COMMD1: variants seen among roughly 807,000 people sequenced by gnomAD.
COMMD1 encodes the protein COMM domain-containing protein 1.
In COMMD1, 10 loss-of-function variants were observed where a neutral mutation model predicts 17.2. That is an observed-to-expected ratio of 0.58 (90% CI 0.36 to 0.99). COMMD1 has a LOEUF of 0.99. Ranked by LOEUF, COMMD1 falls within the 50% of genes least tolerant of loss-of-function variation. The pLI is 0.01. For missense variants in COMMD1, 270 were observed against 231.8 expected (o/e 1.17, Z -1.07); for synonymous variants, 97 against 91.6 (o/e 1.06, Z -0.34).
chr2:61,931,800 T>C (rs1009540485), intron 1 of COMMD1, among the ~76,000 whole-genome samples: 3 of 152,212 alleles, frequency 2.0e-5, no homozygotes, highest in African/African-American at 7.2e-5. Flanking sequence ...AGTAAGGATA[T>C]TGGAGACTTG....
chr2:62,085,280 C>T (rs1240307925), intron 2 of COMMD1, among the ~76,000 whole-genome samples: 2 of 150,312 alleles, frequency 1.3e-5, no homozygotes, highest in Admixed American at 6.7e-5. Context: ...TGCAGTGGCG[C>T]GATCTCTGCT....
At chr2:62,001,612 C>T (rs753386695) in intron 2 of COMMD1, among the ~76,000 whole-genome samples, 1 of 151,962 alleles carries the variant, frequency 6.6e-6, no homozygotes, top group Non-Finnish European at 1.5e-5. Flanking sequence ...TTTTAATGAT[C>T]TGGCTTATGT....
chr2:62,022,211 T>A (rs1434285887), intron 2 of COMMD1, among the ~76,000 whole-genome samples: 1 of 152,148 alleles, frequency 6.6e-6, no homozygotes, highest in African/African-American at 2.4e-5. Context: ...TCTGTTCTTA[T>A]ACATTGAGGG....
At chr2:62,128,508 G>A (rs972865104) in intron 2 of COMMD1, among the ~76,000 whole-genome samples, 11 of 152,038 alleles carry the variant, frequency 7.2e-5, no homozygotes, top group South Asian at 6.2e-4. Context: ...ATTGACAAAC[G>A]GGATCTAATT....
intron 1 of COMMD1, among the ~76,000 whole-genome samples, chr2:61,991,759 A>G (rs958360415): frequency 2.6e-5 from 4 of 152,204 alleles, no homozygotes; most frequent in African/African-American, 9.6e-5. Context: ...GGGGAATTAC[A>G]AACAGGTTAG....
At chr2:62,046,655 G>A (rs1376773795) in intron 2 of COMMD1, among the ~76,000 whole-genome samples, 1 of 152,224 alleles carries the variant, frequency 6.6e-6, no homozygotes, top group Non-Finnish European at 1.5e-5. Flanking sequence ...TCTGAACACA[G>A]TTTATTTTCC....
intron 2 of COMMD1, among the ~76,000 whole-genome samples, chr2:62,026,732 C>A (rs1399926372): frequency 5.9e-5 from 9 of 152,126 alleles, no homozygotes; most frequent in Admixed American, 5.9e-4. Context: ...AGACTTAAAT[C>A]CCACTTCTGA....
rs568564269 is a variant in COMMD1, at chr2:62,121,752, A to G, written c.463-14079A>G. On this transcript the variant is annotated intron_variant, in intron 2 of 2. Coordinates refer to ENST00000311832, the MANE Select transcript of COMMD1 (RefSeq NM_152516.4). The stretch of plus-strand genomic sequence containing the variant: ...AGACTCCGTCTCAAAAAAAAAAAAA[A>G]AGAGAGAGAGAAAGAGAAAAAACAT... Among the ~76,000 whole-genome samples, 297 of 151,846 alleles carry G rather than the reference A, an allele frequency of 2.0e-3. 2 individuals are homozygous for G. The highest frequency in any genetic ancestry group is 4.7e-3 in the African/African-American group (194 of 41,408).
rs148961629 is a variant in COMMD1, at chr2:62,090,474, C to A, written c.463-45357C>A. 6.0e-4 allele frequency among the ~76,000 whole-genome samples: 91 copies of A among 152,250 alleles called. No individual in the cohort carries two copies. In the South Asian group the frequency reaches 6.0e-3, roughly 10 times the overall value. Reference sequence around the variant, plus strand: ...GGCCAATTTGTCTCCATAGATATAACATCCTGAGGAGGGTATAAATCAAAT... The same window carrying A: ...GGCCAATTTGTCTCCATAGATATAAAATCCTGAGGAGGGTATAAATCAAAT... On this transcript the variant is annotated intron_variant, in intron 2 of 2. Transcript: ENST00000311832.
intron 1 of COMMD1, among the ~76,000 whole-genome samples, chr2:61,931,075 G>A (rs1558525655): frequency 6.6e-6 from 1 of 152,088 alleles, no homozygotes; most frequent in Non-Finnish European, 1.5e-5. Context: ...ACTTTGGGAG[G>A]CTGATGCAGG....
intron 1 of COMMD1, among the ~76,000 whole-genome samples, chr2:61,984,176 C>T (rs1303555704): frequency 1.3e-5 from 2 of 152,178 alleles, no homozygotes; most frequent in African/African-American, 4.8e-5. Flanking sequence ...AGGCGTGTGC[C>T]ACCACACCCA....
chr2:62,100,450 G>C (rs939720858), intron 2 of COMMD1: 2 of 152,244 alleles, frequency 1.3e-5, no homozygotes, highest in African/African-American at 4.8e-5. Context: ...TCAGGGCACA[G>C]CTTGGTTTTA....
At chr2:61,888,633 C>T, upstream of COMMD1, 2 of 1,169,694 alleles carry the variant, frequency 1.7e-6, no homozygotes, top group Admixed American at 2.9e-5. Flanking sequence ...GCGCCGGCGT[C>T]GGGAGGAGGC....
At chr2:61,957,954 A>C (rs1444887400) in intron 1 of COMMD1, among the ~76,000 whole-genome samples, 3 of 152,194 alleles carry the variant, frequency 2.0e-5, no homozygotes, top group Admixed American at 2.0e-4. Flanking sequence ...TGCATGCTTT[A>C]GAATATTTTC....
At chr2:61,927,486 G>A (rs1357214409) in intron 1 of COMMD1, among the ~76,000 whole-genome samples, 3 of 151,122 alleles carry the variant, frequency 2.0e-5, no homozygotes, top group Non-Finnish European at 3.0e-5. Flanking sequence ...TCCACCTCCC[G>A]GGTTCATGCC....
At chr2:62,088,849 G>A (rs1298282202) in intron 2 of COMMD1, among the ~76,000 whole-genome samples, 1 of 152,226 alleles carries the variant, frequency 6.6e-6, no homozygotes, top group Non-Finnish European at 1.5e-5. Flanking sequence ...GTACAGCTTG[G>A]ATTTATGTAT....
chr2:61,909,796 C>T (rs1366302612), intron 1 of COMMD1, among the ~76,000 whole-genome samples: 1 of 152,114 alleles, frequency 6.6e-6, no homozygotes, highest in African/African-American at 2.4e-5. Flanking sequence ...ATGTACTTCC[C>T]AGCAGGGGAT....
chr2:62,095,498 A>G (rs1671975358), intron 2 of COMMD1, among the ~76,000 whole-genome samples: 1 of 152,004 alleles, frequency 6.6e-6, no homozygotes, highest in Non-Finnish European at 1.5e-5. Context: ...TGGTTATTAA[A>G]TCTCCAAATT....
chr2:62,013,305 A>G (rs1669340351), intron 2 of COMMD1, among the ~76,000 whole-genome samples: 1 of 152,178 alleles, frequency 6.6e-6, no homozygotes. Flanking sequence ...GTTATCCTTC[A>G]TTCTCTTAAT....
Sources: allele counts gnomAD v4.1 joint callset (sites outside exome capture counted in the v4.1 genomes callset), GRCh38; gene constraint gnomAD v4.1.1; transcripts MANE v1.5; gene names NCBI Gene and HGNC (gene_info 2026-07-23, HGNC 2026-07-21).